The following ZNF804B variants were observed in gnomAD, a reference collection of about 807,000 sequenced individuals.
The protein encoded by ZNF804B is zinc finger 804B.
In ZNF804B, 80 loss-of-function variants were observed where a neutral mutation model predicts 101.4. That is an observed-to-expected ratio of 0.79 (90% CI 0.66 to 0.95). ZNF804B has a LOEUF of 0.95. ZNF804B is among the 40% of genes least tolerant of loss of function. ZNF804B has a pLI of 0.00. For synonymous variants in ZNF804B, 622 were observed against 558.8 expected (o/e 1.11, Z -1.59); for missense variants, 1,673 against 1,561.9 (o/e 1.07, Z -1.20).
chr7:89,011,944 T>C (rs1450809789), intron 1 of ZNF804B, among the ~76,000 whole-genome samples: 3 of 152,152 alleles, frequency 2.0e-5, no homozygotes, highest in African/African-American at 7.2e-5. Context: ...ATTTTCCCTC[T>C]GCAGTGCCCT....
At chr7:89,012,910 G>A (rs954817134) in intron 1 of ZNF804B, among the ~76,000 whole-genome samples, 20 of 152,168 alleles carry the variant, frequency 1.3e-4, no homozygotes, top group African/African-American at 4.3e-4. Flanking sequence ...AGGTTTAATT[G>A]ATTCACAGTT....
chr7:89,280,141 C>T (rs1790065569), intron 2 of ZNF804B, among the ~76,000 whole-genome samples: 2 of 152,182 alleles, frequency 1.3e-5, no homozygotes, highest in Non-Finnish European at 2.9e-5. Context: ...AACTGAACAA[C>T]CTGCTCCTGA....
At chr7:88,844,561 G>T (rs1381700071) in intron 1 of ZNF804B, among the ~76,000 whole-genome samples, 1 of 152,178 alleles carries the variant, frequency 6.6e-6, no homozygotes, top group Non-Finnish European at 1.5e-5. Context: ...TTTTGGAAAT[G>T]ATTCTTCATA....
At chr7:89,009,605 G>C (rs1429643384) in intron 1 of ZNF804B, among the ~76,000 whole-genome samples, 1 of 152,142 alleles carries the variant, frequency 6.6e-6, no homozygotes, top group East Asian at 1.9e-4. Context: ...AAAGTGATGA[G>C]GGCATGAAGG....
intron 1 of ZNF804B, among the ~76,000 whole-genome samples, chr7:88,815,609 C>T (rs1790863064): frequency 6.6e-6 from 1 of 151,970 alleles, no homozygotes; most frequent in South Asian, 2.1e-4. Flanking sequence ...CAAGGTAGCT[C>T]CTCCTTCCCA....
rs1358664989 is a variant in ZNF804B, at chr7:88,875,556, C to A, written c.108+115472C>A. Among the ~76,000 whole-genome samples the A allele has an allele frequency of 6.6e-5, 10 of 152,026 alleles. 1 individual carries two copies. The highest frequency in any genetic ancestry group is 5.9e-5 in the Non-Finnish European group (4 of 67,992). On this transcript the variant is annotated intron_variant, in intron 1 of 3. Coordinates refer to ENST00000333190, the MANE Select transcript of ZNF804B (RefSeq NM_181646.5). ...CCTCTACGCAAATAAACTAGAAAAT[C>A]TAGAAGAAATGGATAAATTCCTCGA... is the stretch of plus-strand genomic sequence containing the variant.
In ZNF804B at chr7:89,335,032, A is replaced by T; in HGVS notation, c.2050A>T (p.Met684Leu). 1 of 1,613,880 alleles carries T rather than the reference A, an allele frequency of 6.2e-7. No individual in the cohort carries two copies. Among genetic ancestry groups the T allele is most frequent in the Non-Finnish European group, 8.5e-7 (1 of 1,179,920 alleles). ...SVILKSNHISMTSKVSGCGNQ... is the reference protein window; with the variant it reads ...SVILKSNHISLTSKVSGCGNQ... ...AATTTTGAAGAGTAACCACATCAGCATGACCAGCAAGGTTTCCGGATGTGG... is the reference window on the plus strand; with the variant it reads ...AATTTTGAAGAGTAACCACATCAGCTTGACCAGCAAGGTTTCCGGATGTGG... Residue 684 changes from methionine to leucine, a missense_variant, in exon 4 of 4, where the codon ATG becomes TTG. Met to Leu is a conservative substitution (Grantham distance 15). Coordinates refer to ENST00000333190, the MANE Select transcript of ZNF804B (RefSeq NM_181646.5).
chr7:89,049,376 G>A (rs1370265631), intron 1 of ZNF804B, among the ~76,000 whole-genome samples: 2 of 152,160 alleles, frequency 1.3e-5, no homozygotes, highest in African/African-American at 4.8e-5. Context: ...ATGTGTTGGA[G>A]TTGGCCTGCA....
At chr7:88,873,880 G>A (rs1791881063) in intron 1 of ZNF804B, among the ~76,000 whole-genome samples, 1 of 152,102 alleles carries the variant, frequency 6.6e-6, no homozygotes, top group Admixed American at 6.5e-5. Context: ...TAGCCTTGTA[G>A]TATAGTTTGA....
intron 2 of ZNF804B, among the ~76,000 whole-genome samples, chr7:89,249,855 C>A (rs1244650383): frequency 6.6e-6 from 1 of 152,110 alleles, no homozygotes; most frequent in East Asian, 1.9e-4. Flanking sequence ...AAAGTTGGGT[C>A]TCTGAAGAAT....
At chr7:88,771,633 C>A (rs1790065217) in intron 1 of ZNF804B, among the ~76,000 whole-genome samples, 2 of 152,020 alleles carry the variant, frequency 1.3e-5, no homozygotes, top group African/African-American at 4.8e-5. Flanking sequence ...TTACTAACCA[C>A]TTGAAACAAT....
At chr7:88,914,186 G>T (rs1792596649) in intron 1 of ZNF804B, among the ~76,000 whole-genome samples, 1 of 152,094 alleles carries the variant, frequency 6.6e-6, no homozygotes, top group South Asian at 2.1e-4. Flanking sequence ...TGAACACTGA[G>T]AAATGAAAAA....
intron 1 of ZNF804B, among the ~76,000 whole-genome samples, chr7:89,206,193 C>T (rs913113811): frequency 6.6e-6 from 1 of 152,216 alleles, no homozygotes; most frequent in Non-Finnish European, 1.5e-5. Flanking sequence ...AACCATTTTT[C>T]CCTCCTAGGT....
At chr7:88,956,256 A>G (rs1268768687) in intron 1 of ZNF804B, among the ~76,000 whole-genome samples, 7 of 151,516 alleles carry the variant, frequency 4.6e-5, no homozygotes, top group Admixed American at 4.6e-4. Flanking sequence ...AGGAAAGAAA[A>G]CCAGTGTATC....
chr7:88,861,064 TAC>T (rs1791637282), intron 1 of ZNF804B, among the ~76,000 whole-genome samples: 2 of 152,188 alleles, frequency 1.3e-5, no homozygotes, highest in Admixed American at 6.6e-5. Flanking sequence ...TTACCTCATC[TAC>T]AGTTTCTTTT....
intron 1 of ZNF804B, among the ~76,000 whole-genome samples, chr7:88,857,394 G>T (rs186906748): frequency 1.3e-5 from 2 of 151,894 alleles, no homozygotes; most frequent in East Asian, 3.9e-4. Flanking sequence ...AAAGAGAGAA[G>T]AATCAAATAG....
intron 1 of ZNF804B, among the ~76,000 whole-genome samples, chr7:89,085,368 T>G (rs1196116223): frequency 1.3e-5 from 2 of 151,984 alleles, no homozygotes; most frequent in African/African-American, 4.8e-5. Flanking sequence ...AGTTTCTGAA[T>G]AGTTTGGGGC....
intron 1 of ZNF804B, among the ~76,000 whole-genome samples, chr7:89,188,142 C>T (rs62463576): frequency 1.3e-5 from 2 of 151,798 alleles, no homozygotes; most frequent in East Asian, 1.9e-4. Context: ...GCCATTCTCC[C>T]GACAGCCTGT....
At chr7:88,857,799 T>G (rs186495064) in intron 1 of ZNF804B, among the ~76,000 whole-genome samples, 37 of 151,370 alleles carry the variant, frequency 2.4e-4, no homozygotes, top group Admixed American at 1.9e-3. Flanking sequence ...TTTCTTCCCT[T>G]TCTTTCTCCT....
Sources: gnomAD v4.1 joint callset for allele counts (sites outside exome capture counted in the v4.1 genomes callset) on GRCh38, gnomAD v4.1.1 for gene constraint, MANE v1.5 for transcripts, NCBI Gene and HGNC (gene_info 2026-07-23, HGNC 2026-07-21) for gene names.